Variants in KIRREL3 observed in about 807,000 individuals in gnomAD.
The protein encoded by KIRREL3 is kin of IRRE-like protein 3.
In KIRREL3, 36 loss-of-function variants were observed where a neutral mutation model predicts 89.7. That is an observed-to-expected ratio of 0.40 (90% CI 0.31 to 0.53). The LOEUF (loss-of-function observed/expected upper bound fraction) is 0.53. KIRREL3 is among the 20% of genes least tolerant of loss of function. KIRREL3 has a pLI of 0.49. For missense variants in KIRREL3, 864 were observed against 1,056.6 expected (o/e 0.82, Z 2.53); for synonymous variants, 445 against 441.4 (o/e 1.01, Z -0.10).
At position 126,993,920 on chromosome 11, in the gene KIRREL3, G is replaced by T. The variant is rs1262015360; in HGVS notation, c.55+6535C>A. Among the ~76,000 whole-genome samples the T allele has an allele frequency of 6.6e-6, 1 of 152,166 alleles. No individual in the cohort carries two copies. Among genetic ancestry groups the T allele is most frequent in the Non-Finnish European group, 1.5e-5 (1 of 68,022 alleles). On this transcript the variant is annotated intron_variant, in intron 1 of 16. Coordinates refer to ENST00000525144, the MANE Select transcript of KIRREL3 (RefSeq NM_032531.4). This position sits in a 1 kb window ranked among gnomAD's most constrained non-coding sequence, Gnocchi z 6.1. The stretch of plus-strand genomic sequence containing the variant: ...AAAAAGAATCTGCATAAGTTAAAAA[G>T]AAACTTGCAACAACAATCCACTGAA...
In KIRREL3 at chr11:126,995,022, C is replaced by T. The variant is rs1008947863; in HGVS notation, c.55+5433G>A. The T allele has an allele frequency of 2.5e-5, 9 of 365,458 alleles. No individual in the cohort carries two copies. Among genetic ancestry groups the T allele is most frequent in the African/African-American group, 1.3e-4 (6 of 46,818 alleles). The allele number at this position is 365,458 out of a possible 1,614,324, so 22.6% of individuals were successfully genotyped here. On this transcript the variant is annotated intron_variant, in intron 1 of 16. Coordinates refer to ENST00000525144, the MANE Select transcript of KIRREL3 (RefSeq NM_032531.4). The surrounding 1 kb of genome is among the most constrained non-coding windows in gnomAD (Gnocchi z 6.5). ...GAACAGTACTGTGTCTCGGTGCAGT[C>T]GATTCTCACATCATTCCTCTAACTG...
chr11:126,732,600 A>T (rs542628514), intron 1 of KIRREL3, among the ~76,000 whole-genome samples: 2 of 152,230 alleles, frequency 1.3e-5, no homozygotes, highest in African/African-American at 4.8e-5. Context: ...ACAGTGAGAG[A>T]GTGACTGTTT....
At position 126,636,413 on chromosome 11, in the gene KIRREL3, T is replaced by A. The variant is rs1163377166; in HGVS notation, c.56-73501A>T. On this transcript the variant is annotated intron_variant, in intron 1 of 16. Coordinates refer to ENST00000525144, the MANE Select transcript of KIRREL3 (RefSeq NM_032531.4). This position sits in a 1 kb window ranked among gnomAD's most constrained non-coding sequence, Gnocchi z 4.4. ...TGAGTGCCTTCCTCTTTCTCCCTTCTGGCACTTGTTCTGTTGAGAGTCTGT... is the reference window on the plus strand; with the variant it reads ...TGAGTGCCTTCCTCTTTCTCCCTTCAGGCACTTGTTCTGTTGAGAGTCTGT... Among the ~76,000 whole-genome samples, 1 of 152,216 alleles carries A rather than the reference T, an allele frequency of 6.6e-6. No individual in the cohort carries two copies. Among genetic ancestry groups the A allele is most frequent in the Non-Finnish European group, 1.5e-5 (1 of 68,030 alleles).
At position 126,449,079 on chromosome 11, in the gene KIRREL3, T is replaced by C. The variant is rs1955929969; in HGVS notation, c.927A>G (p.Ser309=). The C allele has an allele frequency of 6.2e-7, 1 of 1,614,006 alleles. No individual in the cohort carries two copies. Among genetic ancestry groups the C allele is most frequent in the Admixed American group, 1.7e-5 (1 of 60,030 alleles). ...TGGTCACCTCACAGGAGACGGGCTC[T>C]GAGAAGTACGTGTAGTCCACTGTGG... ...YRTTVDYTYF[S]EPVSCEVTNA... is the part of the protein sequence containing the mutation. Residue 309 remains serine (S), a synonymous_variant, in exon 8 of 17, where the codon TCA becomes TCG. Transcript: ENST00000525144.
At position 126,628,797 on chromosome 11, in the gene KIRREL3, C is replaced by G. The variant is rs926481762; in HGVS notation, c.56-65885G>C. Reference sequence around the variant, plus strand: ...GCTACCTGGAGCCAGGGCCTCGCCTCTACTGCCCCCTCCGCTCGCTCTGCC... The same window carrying G: ...GCTACCTGGAGCCAGGGCCTCGCCTGTACTGCCCCCTCCGCTCGCTCTGCC... On this transcript the variant is annotated intron_variant, in intron 1 of 16. Transcript: ENST00000525144. The surrounding 1 kb of genome is among the most constrained non-coding windows in gnomAD (Gnocchi z 5.2). Among the ~76,000 whole-genome samples the G allele has an allele frequency of 1.3e-5, 2 of 152,196 alleles. No homozygotes were observed. The highest frequency in any genetic ancestry group is 3.9e-4 in the East Asian group (2 of 5,186).
chr11:126,557,109 G>A lies in KIRREL3; in HGVS notation c.133+5726C>T, dbSNP rs533910950. 1.7e-4 allele frequency among the ~76,000 whole-genome samples: 26 copies of A among 152,316 alleles called. No individual in the cohort carries two copies. The highest frequency in any genetic ancestry group is 5.3e-4 in the African/African-American group (22 of 41,558). ...AACAGAGTGAGAAGTGCTGCCGGTA[G>A]CAGGGAGGCCTGCTCATCCCTGGGT... On this transcript the variant is annotated intron_variant, in intron 2 of 16. Coordinates refer to ENST00000525144, the MANE Select transcript of KIRREL3 (RefSeq NM_032531.4). This position sits in a 1 kb window ranked among gnomAD's most constrained non-coding sequence, Gnocchi z 5.6.
At position 126,994,653 on chromosome 11, in the gene KIRREL3, A is replaced by C. The variant is rs930633123; in HGVS notation, c.55+5802T>G. On this transcript the variant is annotated intron_variant, in intron 1 of 16. Coordinates refer to ENST00000525144, the MANE Select transcript of KIRREL3 (RefSeq NM_032531.4). The surrounding 1 kb of genome is among the most constrained non-coding windows in gnomAD (Gnocchi z 5.2). ...TCATTTTTACCACTGGGAGAGGAGA[A>C]AAAGAATTAAAAAGCATAATGGTCC... 6.6e-6 allele frequency among the ~76,000 whole-genome samples: 1 copy of C among 152,234 alleles called. No homozygotes were observed. The highest frequency in any genetic ancestry group is 1.9e-4 in the East Asian group (1 of 5,196).
intron 1 of KIRREL3, among the ~76,000 whole-genome samples, chr11:126,831,177 G>T (rs549889565): frequency 6.6e-6 from 1 of 152,156 alleles, no homozygotes; most frequent in Non-Finnish European, 1.5e-5. Context: ...TCAAATACCC[G>T]GCATGATGCT....
At position 126,652,513 on chromosome 11, in the gene KIRREL3, C is replaced by T. The variant is rs1281643131; in HGVS notation, c.56-89601G>A. On this transcript the variant is annotated intron_variant, in intron 1 of 16. Transcript: ENST00000525144. The surrounding 1 kb of genome is among the most constrained non-coding windows in gnomAD (Gnocchi z 4.9). ...CCTATGGTGTAGAGAATATCATTAT[C>T]TCCACTTCACAGGTCAGGGGGCTGT... Among the ~76,000 whole-genome samples the T allele has an allele frequency of 6.6e-6, 1 of 152,152 alleles. No individual in the cohort carries two copies. Among genetic ancestry groups the T allele is most frequent in the African/African-American group, 2.4e-5 (1 of 41,422 alleles).
intron 1 of KIRREL3, among the ~76,000 whole-genome samples, chr11:126,690,909 G>C (rs1591967228): frequency 6.6e-6 from 1 of 152,302 alleles, no homozygotes; most frequent in African/African-American, 2.4e-5. Flanking sequence ...TTCACACTGT[G>C]CGAAGTCAGT....
At chr11:126,902,239 C>T (rs1413745742) in intron 1 of KIRREL3, among the ~76,000 whole-genome samples, 1 of 152,152 alleles carries the variant, frequency 6.6e-6, no homozygotes, top group Non-Finnish European at 1.5e-5. Context: ...AAGGAAATAC[C>T]CACTGTGGGA....
intron 1 of KIRREL3, among the ~76,000 whole-genome samples, chr11:126,828,295 CA>C (rs1943485312): frequency 6.6e-6 from 1 of 152,078 alleles, no homozygotes; most frequent in African/African-American, 2.4e-5. Context: ...GCCATGCTGG[CA>C]AGGTGATGCG....
At chr11:126,964,715 C>G (rs1169518030) in intron 1 of KIRREL3, among the ~76,000 whole-genome samples, 1 of 152,056 alleles carries the variant, frequency 6.6e-6, no homozygotes, top group African/African-American at 2.4e-5. Context: ...TGAAGAAGAC[C>G]CTGAGGTTCT....
At chr11:126,831,011 C>T (rs527598861) in intron 1 of KIRREL3, among the ~76,000 whole-genome samples, 1 of 152,314 alleles carries the variant, frequency 6.6e-6, no homozygotes, top group East Asian at 1.9e-4. Flanking sequence ...CAGTTAGGAG[C>T]ATGGACTGTG....
chr11:126,871,457 A>G (rs745674620), intron 1 of KIRREL3, among the ~76,000 whole-genome samples: 1 of 152,164 alleles, frequency 6.6e-6, no homozygotes, highest in Non-Finnish European at 1.5e-5. Flanking sequence ...ACTCTTCCAC[A>G]CTTCACAGAG....
In KIRREL3 at chr11:126,575,600, TA is replaced by T. The variant is rs1214571913; in HGVS notation, c.56-12689del. Among the ~76,000 whole-genome samples, 3 of 152,150 alleles carry T rather than the reference TA, an allele frequency of 2.0e-5. No individual in the cohort carries two copies. Among genetic ancestry groups the T allele is most frequent in the Admixed American group, 2.0e-4 (3 of 15,270 alleles). ...AGGGGTATGCTAAAAGTCAGGAAAA[TA>T]ATAAGATACTCTAAGATTAGCCTGA... On this transcript the variant is annotated intron_variant, in intron 1 of 16. Transcript: ENST00000525144. The surrounding 1 kb of genome is among the most constrained non-coding windows in gnomAD (Gnocchi z 7.0).
At chr11:126,583,437 C>T (rs1032436800) in intron 1 of KIRREL3, among the ~76,000 whole-genome samples, 1 of 152,164 alleles carries the variant, frequency 6.6e-6, no homozygotes, top group African/African-American at 2.4e-5. Context: ...CCCACTGAAC[C>T]AATGATAACA....
At chr11:126,910,087 G>A (rs1229542969) in intron 1 of KIRREL3, among the ~76,000 whole-genome samples, 2 of 152,112 alleles carry the variant, frequency 1.3e-5, no homozygotes, top group East Asian at 1.9e-4. Context: ...TTGGCCCTGA[G>A]TCCATCACCA....
At position 126,525,812 on chromosome 11, in the gene KIRREL3, CT is replaced by C. The variant is rs896644368; in HGVS notation, c.283+725del. On this transcript the variant is annotated intron_variant, in intron 3 of 16. Coordinates refer to ENST00000525144, the MANE Select transcript of KIRREL3 (RefSeq NM_032531.4). This position sits in a 1 kb window ranked among gnomAD's most constrained non-coding sequence, Gnocchi z 5.4. Reference sequence around the variant, plus strand: ...TGTGTGACCAGGGGGATGAGCCATTCTTTTTTTTTCTCCAGGGAAGAGGATG... The same window carrying C: ...TGTGTGACCAGGGGGATGAGCCATTCTTTTTTTTCTCCAGGGAAGAGGATG... 7.3e-5 allele frequency among the ~76,000 whole-genome samples: 11 copies of C among 151,622 alleles called. No homozygotes were observed. The highest frequency in any genetic ancestry group is 3.9e-4 in the East Asian group (2 of 5,154).
Sources: gnomAD v4.1 joint callset for allele counts (sites outside exome capture counted in the v4.1 genomes callset) on GRCh38, gnomAD v4.1.1 for gene constraint, Gnocchi (gnomAD v3.1) non-coding constraint, MANE v1.5 for transcripts, NCBI Gene and HGNC (gene_info 2026-07-23, HGNC 2026-07-21) for gene names.